RAB35: variants seen among roughly 807,000 people sequenced by gnomAD.
RAB35 encodes the protein RAB35, member RAS oncogene family.
Under a neutral mutation model 28.9 loss-of-function variants are expected in RAB35, and 4 were observed. The observed-to-expected ratio is 0.14, with a 90% CI of 0.07 to 0.32. The LOEUF (loss-of-function observed/expected upper bound fraction) is 0.32, where lower values mean the gene tolerates loss of function less well. RAB35 is among the 10% of genes least tolerant of loss of function. RAB35 has a pLI of 1.00. For synonymous variants in RAB35, 99 were observed against 105.1 expected (o/e 0.94, Z 0.35); for missense variants, 128 against 274.0 (o/e 0.47, Z 3.76).
At chr12:120,104,454 G>C (rs1486545752) in intron 2 of RAB35, among the ~76,000 whole-genome samples, 1 of 152,280 alleles carries the variant, frequency 6.6e-6, no homozygotes, top group Non-Finnish European at 1.5e-5. Context: ...GAGTGGGGGC[G>C]GTCACATGAG....
At chr12:120,115,456 A>G (rs1410012854) in intron 1 of RAB35, among the ~76,000 whole-genome samples, 1 of 152,084 alleles carries the variant, frequency 6.6e-6, no homozygotes, top group Non-Finnish European at 1.5e-5. Context: ...CATGCTCCCA[A>G]GACTCTTTCA....
chr12:120,104,067 G>A (rs1875769662), intron 2 of RAB35, 118 bp from the exon 3 acceptor site: 3 of 1,383,338 alleles, frequency 2.2e-6, no homozygotes, highest in African/African-American at 2.9e-5. Flanking sequence ...ACATGTGCCT[G>A]GTACATTCTA....
intron 5 of RAB35, among the ~76,000 whole-genome samples, chr12:120,097,977 T>G (rs1281030077): frequency 2.7e-5 from 4 of 149,002 alleles, no homozygotes; most frequent in African/African-American, 7.4e-5. Flanking sequence ...TCTGCCTCCC[T>G]GGTTCACACC....
In RAB35 at chr12:120,099,136, G is replaced by A. The variant is rs756815917; in HGVS notation, c.246C>T (p.His82=). ...TGACGTCGTAAACCACAATGACCCC[G>A]TGGGTCCCCCGATAATACCTGCAGG... ...TITSTYYRGT[H]GVIVVYDVTS... Residue 82 remains histidine (H), a synonymous_variant, in exon 4 of 6, where the codon CAC becomes CAT. Transcript: ENST00000229340. 90 of 1,614,136 alleles carry A rather than the reference G, an allele frequency of 5.6e-5. No individual in the cohort carries two copies. The highest frequency in any genetic ancestry group is 7.0e-5 in the Non-Finnish European group (83 of 1,180,052).
chr12:120,095,661 C>T lies in RAB35; in HGVS notation c.*1584G>A, dbSNP rs1331958943. The T allele has an allele frequency of 6.6e-6, 1 of 152,196 alleles. No individual in the cohort carries two copies. The highest frequency in any genetic ancestry group is 1.5e-5 in the Non-Finnish European group (1 of 68,124). 9.4% of individuals were successfully genotyped at this position (152,196 alleles called of 1,614,324 possible). ...CTCCTTCCCAGGCCCATGGGGCTCCCCCACCCCATCCCGTGGCTCCAAAGT... is the reference window on the plus strand; with the variant it reads ...CTCCTTCCCAGGCCCATGGGGCTCCTCCACCCCATCCCGTGGCTCCAAAGT... On this transcript the variant is annotated 3_prime_UTR_variant, in exon 6 of 6. Transcript: ENST00000229340.
chr12:120,109,793 T>A (rs917888624), intron 1 of RAB35, among the ~76,000 whole-genome samples: 2 of 151,852 alleles, frequency 1.3e-5, no homozygotes, highest in African/African-American at 4.8e-5. Flanking sequence ...CATGAGCCAC[T>A]GCGCCTGGAC....
In RAB35 at chr12:120,103,536, C is replaced by T. The variant is rs550711117; in HGVS notation, c.227+290G>A. On this transcript the variant is annotated intron_variant, in intron 3 of 5. Transcript: ENST00000229340. This position sits in a 1 kb window ranked among gnomAD's most constrained non-coding sequence, Gnocchi z 6.1. ...CTATTCTGCTCTCTCTGTAAGGTGA[C>T]GGCACAGTGGGCCGGAGGGTCGGCT... 2.6e-5 allele frequency among the ~76,000 whole-genome samples: 4 copies of T among 152,346 alleles called. No homozygotes were observed. The highest frequency in any genetic ancestry group is 7.2e-5 in the African/African-American group (3 of 41,588).
chr12:120,112,325 CAT>C (rs536776016), intron 1 of RAB35, among the ~76,000 whole-genome samples: 77 of 152,220 alleles, frequency 5.1e-4, no homozygotes, highest in South Asian at 2.3e-3. Flanking sequence ...AAGCCACACA[CAT>C]GTCTTCCCTT....
intron 3 of RAB35, among the ~76,000 whole-genome samples, chr12:120,101,634 C>G (rs1033243223): frequency 6.6e-6 from 1 of 152,242 alleles, no homozygotes; most frequent in Non-Finnish European, 1.5e-5. Flanking sequence ...CAAAGGGCGT[C>G]GAGACTTCCA....
In RAB35 at chr12:120,096,170, A is replaced by AGT; in HGVS notation, c.*1073_*1074dup. ...CACTCCCCACAGTGCCCGAGGCTGC[A>AGT]GTGTAGACTCCTGACCTCCAGTGGG... On this transcript the variant is annotated 3_prime_UTR_variant, in exon 6 of 6. Transcript: ENST00000229340. The AGT allele has an allele frequency of 5.8e-6, 2 of 344,778 alleles. No homozygotes were observed. Among genetic ancestry groups the AGT allele is most frequent in the South Asian group, 4.6e-5 (2 of 43,366 alleles). The allele number at this position is 344,778 out of a possible 1,614,324, so 21.4% of individuals were successfully genotyped here. A position where few individuals can be genotyped will look rare whatever the true frequency, so the allele number is the denominator to read the frequency against.
chr12:120,103,891 C>T lies in RAB35; in HGVS notation c.162G>A (p.Gly54=). Residue 54 remains glycine (G), a synonymous_variant, in exon 3 of 6, where the codon GGG becomes GGA. Transcript: ENST00000229340. The surrounding 1 kb of genome is among the most constrained non-coding windows in gnomAD (Gnocchi z 6.1). ...DFKIRTVEIN[G]EKVKLQIWDT... ...CCCAGATCTGCAGCTTCACCTTCTC[C>T]CCGTTGATCTCCACGGTCCGGATCT... 1.9e-6 allele frequency: 3 copies of T among 1,614,134 alleles called. No homozygotes were observed. The highest frequency in any genetic ancestry group is 2.5e-6 in the Non-Finnish European group (3 of 1,180,010).
rs558362444 is a variant in RAB35 at position 120,107,028 on chromosome 12, G to A, written c.103+1389C>T. 4.6e-5 allele frequency among the ~76,000 whole-genome samples: 7 copies of A among 151,594 alleles called. 1 individual carries two copies. Among genetic ancestry groups the A allele is most frequent in the African/African-American group, 1.5e-4 (6 of 41,322 alleles). On this transcript the variant is annotated intron_variant, in intron 2 of 5. Coordinates refer to ENST00000229340, the MANE Select transcript of RAB35 (RefSeq NM_006861.7). The stretch of plus-strand genomic sequence containing the variant: ...TTTTGAGATGGAGTCTCGCTCTGTC[G>A]TTCAGGCTGGAGTGCAGTGGTGCCA...
chr12:120,113,317 G>A (rs1262524941), intron 1 of RAB35, among the ~76,000 whole-genome samples: 2 of 150,624 alleles, frequency 1.3e-5, no homozygotes, highest in Non-Finnish European at 2.9e-5. Context: ...ACTGCCCCCA[G>A]CCATGTTCTC....
intron 5 of RAB35, among the ~76,000 whole-genome samples, chr12:120,098,012 T>C (rs878944768): frequency 6.6e-6 from 1 of 151,408 alleles, no homozygotes; most frequent in African/African-American, 2.4e-5. Context: ...GCCTCCCGAG[T>C]AGCTGGGACT....
At chr12:120,101,331 G>C (rs544643602) in intron 3 of RAB35, among the ~76,000 whole-genome samples, 1 of 152,290 alleles carries the variant, frequency 6.6e-6, no homozygotes, top group South Asian at 2.1e-4. Context: ...TGGAAGTCCT[G>C]GCGCCCAGGG....
intron 1 of RAB35, among the ~76,000 whole-genome samples, chr12:120,111,565 C>T (rs1207638172): frequency 1.3e-5 from 2 of 152,140 alleles, no homozygotes; most frequent in Admixed American, 1.3e-4. Flanking sequence ...CCTGTAATCC[C>T]AGCTACTCGG....
intron 1 of RAB35, among the ~76,000 whole-genome samples, chr12:120,115,669 A>T (rs1876299890): frequency 6.6e-6 from 1 of 152,250 alleles, no homozygotes; most frequent in African/African-American, 2.4e-5. Context: ...ATATGTCTTA[A>T]GCATGTACTG....
chr12:120,103,354 C>T lies in RAB35; in HGVS notation c.227+472G>A, dbSNP rs898061899. 3.3e-5 allele frequency among the ~76,000 whole-genome samples: 5 copies of T among 152,168 alleles called. No homozygotes were observed. The highest frequency in any genetic ancestry group is 4.8e-5 in the African/African-American group (2 of 41,424). ...AGGGCCTGCTGACATGCACCGTGTT[C>T]GTCTCTAGACAGCGTCACTTCCAAG... On this transcript the variant is annotated intron_variant, in intron 3 of 5. Coordinates refer to ENST00000229340, the MANE Select transcript of RAB35 (RefSeq NM_006861.7). This position sits in a 1 kb window ranked among gnomAD's most constrained non-coding sequence, Gnocchi z 6.1.
At chr12:120,102,746 G>C (rs1167549382) in intron 3 of RAB35, among the ~76,000 whole-genome samples, 2 of 152,178 alleles carry the variant, frequency 1.3e-5, no homozygotes, top group Non-Finnish European at 2.9e-5. Flanking sequence ...CCAGCCTGGG[G>C]AGTGCCGGGC....
Sources: gnomAD v4.1 joint callset for allele counts (sites outside exome capture counted in the v4.1 genomes callset) on GRCh38, gnomAD v4.1.1 for gene constraint, Gnocchi (gnomAD v3.1) non-coding constraint, MANE v1.5 for transcripts, NCBI Gene and HGNC (gene_info 2026-07-23, HGNC 2026-07-21) for gene names.